The following RYR2 variants were observed in gnomAD, a reference collection of about 807,000 sequenced individuals.
The protein encoded by RYR2 is cardiac muscle ryanodine receptor-calcium release channel.
RYR2 carries 227 observed loss-of-function variants against 601.1 expected under a neutral mutation model. The observed-to-expected ratio is 0.38, with a 90% CI of 0.34 to 0.42. The LOEUF (loss-of-function observed/expected upper bound fraction) is 0.42, where lower values mean the gene tolerates loss of function less well. Among genes scored for constraint, RYR2 ranks in the 10% least tolerant of loss-of-function variants. The pLI is 1.00. For synonymous variants in RYR2, 2,223 were observed against 2,175.1 expected, an observed-to-expected ratio of 1.02 and a Z score of -0.61; for missense variants, 4,646 against 6,156.5, an observed-to-expected ratio of 0.75 and a Z score of 8.21.
chr1:237,245,837 G>A (rs993712253), intron 1 of RYR2, among the ~76,000 whole-genome samples: 1 of 152,046 alleles, frequency 6.6e-6, no homozygotes. Context: ...GCTGGAGTGT[G>A]GTGGCACAAT....
chr1:237,352,249 C>T (rs564507964), intron 3 of RYR2, among the ~76,000 whole-genome samples: 1 of 151,970 alleles, frequency 6.6e-6, no homozygotes, highest in South Asian at 2.1e-4. Context: ...ATGAGCTTGG[C>T]AAAGTCACAG....
chr1:237,084,900 C>A (rs1402515541), intron 1 of RYR2, among the ~76,000 whole-genome samples: 1 of 152,252 alleles, frequency 6.6e-6, no homozygotes, highest in Non-Finnish European at 1.5e-5. Flanking sequence ...TGTATACATA[C>A]CCTGGTCTCA....
chr1:237,754,152 A>ATT (rs1558346441), intron 80 of RYR2, among the ~76,000 whole-genome samples: 2 of 127,498 alleles, frequency 1.6e-5, no homozygotes, highest in African/African-American at 3.8e-5. Context: ...TTTTGGCTCA[A>ATT]TGTTTTTTTT....
chr1:237,733,793 T>C, intron 79 of RYR2, 37 bp downstream of exon 79: 2 of 1,356,272 alleles, frequency 1.5e-6, no homozygotes, highest in Non-Finnish European at 2.1e-6. Flanking sequence ...ATGTTTAATT[T>C]TAATAAAGGG....
At chr1:237,195,529 A>C (rs1249704768) in intron 1 of RYR2, among the ~76,000 whole-genome samples, 2 of 152,256 alleles carry the variant, frequency 1.3e-5, no homozygotes, top group African/African-American at 2.4e-5. Flanking sequence ...CTGGGATTAC[A>C]GGTGTGAGCC....
intron 24 of RYR2, among the ~76,000 whole-genome samples, chr1:237,517,649 G>A (rs542353953): frequency 9.2e-5 from 14 of 152,028 alleles, no homozygotes; most frequent in Non-Finnish European, 1.9e-4. Flanking sequence ...AAAAAAAAAG[G>A]TTTTATTTTT....
rs573316785 is a variant in RYR2, at chr1:237,264,816, G to A, written c.49-5681G>A. Among the ~76,000 whole-genome samples the A allele has an allele frequency of 4.8e-4, 73 of 150,688 alleles. 1 individual carries two copies. The highest frequency in any genetic ancestry group is 3.3e-4 in the Admixed American group (5 of 15,098). ...GTTCAAGCAATTCTCCTGCCTCAGC[G>A]TCCCAAGTAGCTGGGATTACAGGTA... On this transcript the variant is annotated intron_variant, in intron 1 of 104. Coordinates refer to ENST00000366574, the MANE Select transcript of RYR2 (RefSeq NM_001035.3).
intron 27 of RYR2, among the ~76,000 whole-genome samples, chr1:237,565,201 TTCTTTCTTTCTTTC>T (rs1559036123): frequency 7.0e-6 from 1 of 142,914 alleles, no homozygotes; most frequent in Non-Finnish European, 1.5e-5. Context: ...CTTTCTTTCT[TTCTTTCTTTCTTTC>T]TTTCTTTCTT....
At chr1:237,142,369 A>C (rs771983344) in intron 1 of RYR2, among the ~76,000 whole-genome samples, 1 of 152,262 alleles carries the variant, frequency 6.6e-6, no homozygotes, top group African/African-American at 2.4e-5. Flanking sequence ...ATCTAAAGGA[A>C]AGTCAAACAA....
At chr1:237,558,952 A>G (rs1671178696) in intron 27 of RYR2, among the ~76,000 whole-genome samples, 1 of 149,910 alleles carries the variant, frequency 6.7e-6, no homozygotes, top group Non-Finnish European at 1.5e-5. Context: ...TTTATAATTT[A>G]CCTCTTTATT....
At chr1:237,510,970 G>C (rs1397368223) in intron 23 of RYR2, among the ~76,000 whole-genome samples, 1 of 152,196 alleles carries the variant, frequency 6.6e-6, no homozygotes. Flanking sequence ...GTAACATGCA[G>C]GGGGTAAAAG....
intron 25 of RYR2, among the ~76,000 whole-genome samples, chr1:237,532,527 C>T (rs1000023508): frequency 2.0e-5 from 3 of 151,984 alleles, no homozygotes; most frequent in African/African-American, 7.2e-5. Flanking sequence ...TTATCCTCAT[C>T]CTTTCCAAAC....
At chr1:237,504,638 G>C (rs1237254403) in intron 22 of RYR2, among the ~76,000 whole-genome samples, 2 of 152,184 alleles carry the variant, frequency 1.3e-5, no homozygotes, top group Non-Finnish European at 2.9e-5. Flanking sequence ...GTGGAACTTA[G>C]TGACAAAAAT....
At chr1:237,171,709 T>G (rs1677415570) in intron 1 of RYR2, among the ~76,000 whole-genome samples, 1 of 152,180 alleles carries the variant, frequency 6.6e-6, no homozygotes, top group South Asian at 2.1e-4. Context: ...CTTCTCTAAT[T>G]ATGCAGTGCA....
In RYR2 at chr1:237,709,530, T is replaced by C; in HGVS notation, c.10193T>C (p.Met3398Thr). ...PNPEAEELFR[M>T]VAEVFIYWSK... Reference sequence around the variant, plus strand: ...CCAGAAGCAGAGGAGCTCTTCCGCATGGTGGCTGAAGTGTTTATCTACTGG... The same window carrying C: ...CCAGAAGCAGAGGAGCTCTTCCGCACGGTGGCTGAAGTGTTTATCTACTGG... The change falls in exon 70 of 105, where the codon ATG (methionine) becomes ACG (threonine). Residue 3398 changes from methionine (M) to threonine (T), a missense_variant. Transcript: ENST00000366574. 1 of 1,612,258 alleles carries C rather than the reference T, an allele frequency of 6.2e-7. No homozygotes were observed.
At chr1:237,650,798 C>G (rs939900795) in intron 50 of RYR2, among the ~76,000 whole-genome samples, 1 of 152,158 alleles carries the variant, frequency 6.6e-6, no homozygotes, top group Non-Finnish European at 1.5e-5. Flanking sequence ...GGGTTGAGAA[C>G]CAGATGGCAC....
At chr1:237,604,010 C>G (rs1044808493) in intron 35 of RYR2, among the ~76,000 whole-genome samples, 2 of 152,148 alleles carry the variant, frequency 1.3e-5, no homozygotes, top group African/African-American at 4.8e-5. Flanking sequence ...TTAGACATAT[C>G]AACGAGACAG....
At chr1:237,394,853 C>T (rs1397230988) in intron 10 of RYR2, among the ~76,000 whole-genome samples, 6 of 152,178 alleles carry the variant, frequency 3.9e-5, no homozygotes, top group African/African-American at 1.4e-4. Flanking sequence ...TTAACTGGCT[C>T]ACACTTCTGC....
At chr1:237,113,825 G>A (rs567855461) in intron 1 of RYR2, among the ~76,000 whole-genome samples, 1 of 152,342 alleles carries the variant, frequency 6.6e-6, no homozygotes, top group East Asian at 1.9e-4. Context: ...ACATCTCTGA[G>A]TGCAGTATTT....
Sources: gnomAD v4.1 joint callset for allele counts (sites outside exome capture counted in the v4.1 genomes callset) on GRCh38, gnomAD v4.1.1 for gene constraint, MANE v1.5 for transcripts, NCBI Gene and HGNC (gene_info 2026-07-23, HGNC 2026-07-21) for gene names.